The following RIMBP2 variants were observed in gnomAD, a reference collection of about 807,000 sequenced individuals.
The protein encoded by RIMBP2 is RIMS binding protein 2.
RIMBP2 carries 48 observed loss-of-function variants against 118.6 expected under a neutral mutation model. The observed-to-expected ratio is 0.40, with a 90% CI of 0.32 to 0.51. The LOEUF (loss-of-function observed/expected upper bound fraction) is 0.51, where lower values mean the gene tolerates loss of function less well. Ranked by LOEUF, RIMBP2 falls within the 20% of genes least tolerant of loss-of-function variation. RIMBP2 has a pLI of 0.41. For synonymous variants in RIMBP2, 762 were observed against 742.9 expected, an observed-to-expected ratio of 1.03 and a Z score of -0.42; for missense variants, 1,551 against 1,768.3, an observed-to-expected ratio of 0.88 and a Z score of 2.20.
chr12:130,641,305 G>A (rs974281364), intron 1 of RIMBP2, among the ~76,000 whole-genome samples: 10 of 151,874 alleles, frequency 6.6e-5, no homozygotes, highest in South Asian at 6.2e-4. Context: ...GGTGACTGCC[G>A]GACACTCGGC....
chr12:130,464,253 C>T (rs566051833), intron 6 of RIMBP2, among the ~76,000 whole-genome samples: 70 of 152,242 alleles, frequency 4.6e-4, no homozygotes, highest in Non-Finnish European at 7.8e-4. Flanking sequence ...TTCTTTCTTG[C>T]GCAAGATCCA....
intron 1 of RIMBP2, among the ~76,000 whole-genome samples, chr12:130,644,430 C>T (rs1323741540): frequency 6.6e-6 from 1 of 152,182 alleles, no homozygotes; most frequent in Non-Finnish European, 1.5e-5. Flanking sequence ...AATCGCACAT[C>T]GATCTGGACT....
chr12:130,443,173 A>G (rs868484850), intron 10 of RIMBP2, among the ~76,000 whole-genome samples: 5 of 152,066 alleles, frequency 3.3e-5, no homozygotes, highest in Non-Finnish European at 7.4e-5. Flanking sequence ...GCACATCTTA[A>G]TGAATGCACA....
At chr12:130,702,929 C>T (rs1380926535) in intron 1 of RIMBP2, among the ~76,000 whole-genome samples, 1 of 152,062 alleles carries the variant, frequency 6.6e-6, no homozygotes, top group South Asian at 2.1e-4. Flanking sequence ...GGTGCTCAGC[C>T]GGGACCTGCC....
chr12:130,627,706 C>T (rs746358792), intron 2 of RIMBP2, among the ~76,000 whole-genome samples: 2 of 152,160 alleles, frequency 1.3e-5, no homozygotes, highest in African/African-American at 4.8e-5. Flanking sequence ...ATTCTTGTCA[C>T]CCCCTTGCAC....
At chr12:130,619,200 G>A (rs1432260676) in intron 2 of RIMBP2, among the ~76,000 whole-genome samples, 2 of 152,104 alleles carry the variant, frequency 1.3e-5, no homozygotes, top group Admixed American at 6.5e-5. Context: ...AGCTTTCCAG[G>A]TACTGGGAAT....
At position 130,438,347 on chromosome 12, in the gene RIMBP2, C is replaced by CCCCCCA; in HGVS notation, c.1656+17_1656+18insTGGGGG. On this transcript the variant is annotated intron_variant, in intron 12 of 22. Transcript: ENST00000690449. Reference sequence around the variant, plus strand: ...TAGGGCCTAACAAACCCTCCCCACCCACCCAACGAAAACTCACCCTCTGCC... The same window carrying CCCCCCA: ...TAGGGCCTAACAAACCCTCCCCACCCCCCCCAACCCAACGAAAACTCACCCTCTGCC... 1 of 1,527,308 alleles carries CCCCCCA rather than the reference C, an allele frequency of 6.5e-7. No homozygotes were observed. The highest frequency in any genetic ancestry group is 9.1e-7 in the Non-Finnish European group (1 of 1,101,046). 94.6% of individuals were successfully genotyped at this position (1,527,308 alleles called of 1,614,324 possible). A position where few individuals can be genotyped will look rare whatever the true frequency, so the allele number is the denominator to read the frequency against.
intron 6 of RIMBP2, among the ~76,000 whole-genome samples, chr12:130,463,539 G>A (rs2080191789): frequency 6.6e-6 from 1 of 152,154 alleles, no homozygotes; most frequent in Non-Finnish European, 1.5e-5. Flanking sequence ...TGGCTTCCCG[G>A]CCTCTGTGAA....
At chr12:130,664,833 C>T (rs1031789953) in intron 1 of RIMBP2, among the ~76,000 whole-genome samples, 2 of 151,748 alleles carry the variant, frequency 1.3e-5, no homozygotes, top group Non-Finnish European at 1.5e-5. Flanking sequence ...ATCCATCAGT[C>T]CATACTGATA....
chr12:130,627,269 C>T lies in RIMBP2; in HGVS notation c.-217+1053G>A, dbSNP rs78268283. On this transcript the variant is annotated intron_variant, in intron 2 of 22. Coordinates refer to ENST00000690449, the MANE Select transcript of RIMBP2 (RefSeq NM_001393629.1). ...TCCAGCTGATTCATCTTCTGCTGCGCGATCAAATGCAGGTGGAACAGTCAG... is the reference window on the plus strand; with the variant it reads ...TCCAGCTGATTCATCTTCTGCTGCGTGATCAAATGCAGGTGGAACAGTCAG... 8.5e-3 allele frequency among the ~76,000 whole-genome samples: 1,297 copies of T among 152,366 alleles called. 16 individuals are homozygous for T. Among genetic ancestry groups the T allele is most frequent in the Non-Finnish European group, 9.9e-3 (675 of 68,038 alleles).
chr12:130,471,927 G>A (rs1367576634), intron 5 of RIMBP2: 1 of 153,366 alleles, frequency 6.5e-6, no homozygotes, highest in Non-Finnish European at 1.4e-5. Flanking sequence ...GCCTACGGAG[G>A]GCAATGGGCC....
At chr12:130,550,703 T>G (rs2055683261) in intron 2 of RIMBP2, among the ~76,000 whole-genome samples, 2 of 152,250 alleles carry the variant, frequency 1.3e-5, no homozygotes, top group African/African-American at 4.8e-5. Flanking sequence ...TGCCAATTCA[T>G]CCATGATTTA....
At chr12:130,509,042 C>T (rs1350373668) in intron 3 of RIMBP2, among the ~76,000 whole-genome samples, 1 of 152,068 alleles carries the variant, frequency 6.6e-6, no homozygotes. Flanking sequence ...TCAGCATGAC[C>T]CCCGGCCCCC....
At chr12:130,488,412 C>T (rs1336749644) in intron 4 of RIMBP2, among the ~76,000 whole-genome samples, 1 of 151,808 alleles carries the variant, frequency 6.6e-6, no homozygotes, top group Non-Finnish European at 1.5e-5. Context: ...GAAAAGATAG[C>T]TCAGTCAGGG....
At chr12:130,696,960 T>G (rs1373049244) in intron 1 of RIMBP2, among the ~76,000 whole-genome samples, 1 of 151,898 alleles carries the variant, frequency 6.6e-6, no homozygotes, top group East Asian at 1.9e-4. Flanking sequence ...AAGGGAGAGG[T>G]GAACGGGGGC....
intron 4 of RIMBP2, among the ~76,000 whole-genome samples, chr12:130,492,526 G>A (rs1227552281): frequency 6.6e-6 from 1 of 152,224 alleles, no homozygotes; most frequent in Admixed American, 6.5e-5. Context: ...CTCTGGCCCT[G>A]ATGAATCCTA....
intron 3 of RIMBP2, among the ~76,000 whole-genome samples, chr12:130,512,593 G>T (rs888649596): frequency 1.3e-5 from 2 of 152,216 alleles, no homozygotes; most frequent in African/African-American, 4.8e-5. Flanking sequence ...AAAGTGCTGG[G>T]ATTACAGGCG....
chr12:130,630,311 CATAAAAATTAATT>C (rs1171831264), intron 1 of RIMBP2, among the ~76,000 whole-genome samples: 3 of 151,146 alleles, frequency 2.0e-5, no homozygotes, highest in African/African-American at 4.8e-5. Flanking sequence ...ATAAAATTAA[CATAAAAATTAATT>C]ATAAAAATTA....
Position 130,414,318 on chromosome 12 carries a change from T to C in RIMBP2, c.3239-12A>G. 1 of 1,569,662 alleles carries C rather than the reference T, an allele frequency of 6.4e-7. No homozygotes were observed. The highest frequency in any genetic ancestry group is 1.2e-5 in the South Asian group (1 of 82,910). ...TCGCCCGTAATCGTCTGCGAGCAAGTGGGGGTGAAGAACAGAGCGGCAGTG... is the reference window on the plus strand; with the variant it reads ...TCGCCCGTAATCGTCTGCGAGCAAGCGGGGGTGAAGAACAGAGCGGCAGTG... On this transcript the variant is annotated splice_polypyrimidine_tract_variant and intron_variant, in intron 17 of 22. Coordinates refer to ENST00000690449, the MANE Select transcript of RIMBP2 (RefSeq NM_001393629.1).
Sources: allele counts gnomAD v4.1 joint callset (sites outside exome capture counted in the v4.1 genomes callset), GRCh38; gene constraint gnomAD v4.1.1; transcripts MANE v1.5; gene names NCBI Gene and HGNC (gene_info 2026-07-23, HGNC 2026-07-21).